Variants in TUBG1 observed in about 807,000 individuals in gnomAD.
TUBG1 encodes tubulin gamma-1 chain.
TUBG1 carries 22 observed loss-of-function variants against 53.3 expected under a neutral mutation model. The ratio of observed to expected loss-of-function variants is 0.41; its 90% CI spans 0.29 to 0.59. The LOEUF is 0.59. Ranked by LOEUF, TUBG1 falls within the 20% of genes least tolerant of loss-of-function variation. TUBG1 has a pLI of 0.26. For synonymous variants in TUBG1, 198 were observed against 236.7 expected (o/e 0.84, Z 1.50); for missense variants, 217 against 598.9 (o/e 0.36, Z 6.66).
chr17:42,610,057 C>T, intron 1 of TUBG1, 51 bp from the exon 2 acceptor site: 2 of 1,605,536 alleles, frequency 1.2e-6, no homozygotes, highest in Non-Finnish European at 1.7e-6. Context: ...TGATTGGAAC[C>T]TGCCCGGACC....
At position 42,613,886 on chromosome 17, in the gene TUBG1, G is replaced by A. The variant is rs777881464; in HGVS notation, c.731G>A (p.Arg244His). ...ATGTCAGCCAGCACCACCACCCTGCGCTACCCTGGCTACATGAACAATGAC... is the reference window on the plus strand; with the variant it reads ...ATGTCAGCCAGCACCACCACCCTGCACTACCCTGGCTACATGAACAATGAC... Reference protein sequence around the residue: ...TIMSASTTTLRYPGYMNNDLI... With the variant: ...TIMSASTTTLHYPGYMNNDLI... The change falls in exon 8 of 11, where the codon CGC (arginine) becomes CAC (histidine). Residue 244 changes from arginine to histidine, a missense_variant. Physicochemically the swap from Arg to His is conservative, Grantham distance 29. This residue lies in a region of TUBG1 where 135 missense variants were observed against 371.2 expected (regional missense o/e 0.36). Coordinates refer to ENST00000251413, the MANE Select transcript of TUBG1 (RefSeq NM_001070.5). The A allele has an allele frequency of 6.2e-7, 1 of 1,614,144 alleles. No individual in the cohort carries two copies. The highest frequency in any genetic ancestry group is 1.1e-5 in the South Asian group (1 of 91,082).
chr17:42,613,418 G>A (rs2052051333), intron 6 of TUBG1, among the ~76,000 whole-genome samples: 1 of 151,546 alleles, frequency 6.6e-6, no homozygotes, highest in Non-Finnish European at 1.5e-5. Context: ...GTGAAACCCT[G>A]TCTCAAAAAA....
In TUBG1 at chr17:42,614,940, G is replaced by C; in HGVS notation, c.1255G>C (p.Asp419His). The change falls in exon 11 of 11, where the codon GAT becomes CAT. Residue 419 changes from aspartate (D) to histidine (H), a missense_variant. Around this residue, in one of 4 missense-constraint regions of TUBG1, gnomAD observed 135 missense variants for 371.2 expected, o/e 0.36. Coordinates refer to ENST00000251413, the MANE Select transcript of TUBG1 (RefSeq NM_001070.5). This position sits in a 1 kb window ranked among gnomAD's most constrained non-coding sequence, Gnocchi z 5.1. The stretch of plus-strand genomic sequence containing the variant: ...GGAGGACATGTTCAAGGACAACTTT[G>C]ATGAGATGGACACATCCAGGGAGAT... ...RKEDMFKDNF[D>H]EMDTSREIVQ... 1 of 1,614,232 alleles carries C rather than the reference G, an allele frequency of 6.2e-7. No homozygotes were observed. The highest frequency in any genetic ancestry group is 8.5e-7 in the Non-Finnish European group (1 of 1,180,042).
chr17:42,612,878 T>C (rs1475830093), intron 5 of TUBG1, 69 bp from the exon 6 acceptor site: 7 of 1,597,190 alleles, frequency 4.4e-6, no homozygotes, highest in Non-Finnish European at 6.0e-6. Context: ...TTCTGGACAG[T>C]TGTTAGGGAG....
Position 42,615,146 on chromosome 17 carries a change from T to C in TUBG1, c.*105T>C, listed in dbSNP as rs2052066774. Reference sequence around the variant, plus strand: ...ATCAGGGACCTCACGCATCTCTTTCTCATATACATGGACTCTCTGTTGGCC... The same window carrying C: ...ATCAGGGACCTCACGCATCTCTTTCCCATATACATGGACTCTCTGTTGGCC... On this transcript the variant is annotated 3_prime_UTR_variant, in exon 11 of 11. Coordinates refer to ENST00000251413, the MANE Select transcript of TUBG1 (RefSeq NM_001070.5). The C allele has an allele frequency of 9.3e-7, 1 of 1,075,092 alleles. No homozygotes were observed. The highest frequency in any genetic ancestry group is 1.4e-6 in the Non-Finnish European group (1 of 729,908). 66.6% of individuals were successfully genotyped at this position (1,075,092 alleles called of 1,614,324 possible).
intron 3 of TUBG1, 73 bp downstream of exon 3, chr17:42,610,663 G>A (rs2052024754): frequency 1.2e-6 from 2 of 1,600,862 alleles, no homozygotes; most frequent in Non-Finnish European, 1.7e-6. Context: ...CCGAAGAGAG[G>A]GAAAACCGGA....
chr17:42,614,724 T>C lies in TUBG1; in HGVS notation c.1158+67T>C. The C allele has an allele frequency of 1.2e-6, 2 of 1,606,490 alleles. No homozygotes were observed. The highest frequency in any genetic ancestry group is 2.2e-5 in the East Asian group (1 of 44,784). Reference sequence around the variant, plus strand: ...CCTGACTATACCTCACCTCTCTGCATCTGCTGGCCCTGCTTCTAGCTTTTT... The same window carrying C: ...CCTGACTATACCTCACCTCTCTGCACCTGCTGGCCCTGCTTCTAGCTTTTT... On this transcript the variant is annotated intron_variant, in intron 10 of 10. Coordinates refer to ENST00000251413, the MANE Select transcript of TUBG1 (RefSeq NM_001070.5). This position sits in a 1 kb window ranked among gnomAD's most constrained non-coding sequence, Gnocchi z 5.1.
Position 42,612,938 on chromosome 17 carries a change from C to A in TUBG1, c.480-9C>A, listed in dbSNP as rs754672825. On this transcript the variant is annotated splice_polypyrimidine_tract_variant and intron_variant, in intron 5 of 10. Transcript: ENST00000251413. ...CTGTTGCCCTGATCCTTTCCCCAAC[C>A]CCCACCAGGTATCCTAAGAAGCTGG... 1.2e-6 allele frequency: 2 copies of A among 1,613,856 alleles called. No homozygotes were observed. Among genetic ancestry groups the A allele is most frequent in the South Asian group, 1.1e-5 (1 of 91,062 alleles).
At position 42,614,361 on chromosome 17, in the gene TUBG1, C is replaced by T. The variant is rs1240838443; in HGVS notation, c.945C>T (p.His315=). The change falls in exon 9 of 11, where the codon CAC becomes CAT. Residue 315 remains histidine (H), a synonymous_variant. Coordinates refer to ENST00000251413, the MANE Select transcript of TUBG1 (RefSeq NM_001070.5). The surrounding 1 kb of genome is among the most constrained non-coding windows in gnomAD (Gnocchi z 5.1). ...VSTGRDRQTN[H]CYIAILNIIQ... The stretch of plus-strand genomic sequence containing the variant: ...CAGGCCGAGACCGCCAGACCAACCA[C>T]TGCTACATCGCCATCCTCAACATCA... The T allele has an allele frequency of 6.2e-7, 1 of 1,613,886 alleles. No individual in the cohort carries two copies. Among genetic ancestry groups the T allele is most frequent in the African/African-American group, 1.3e-5 (1 of 74,928 alleles).
At chr17:42,612,034 A>G in intron 3 of TUBG1, 41 bp from the exon 4 acceptor site, 1 of 1,606,546 alleles carries the variant, frequency 6.2e-7, no homozygotes, top group Non-Finnish European at 8.5e-7. Context: ...GAGACCTCCC[A>G]TGGTTCTGTC....
intron 3 of TUBG1, chr17:42,610,861 T>C: frequency 2.5e-6 from 1 of 392,894 alleles, no homozygotes; most frequent in Non-Finnish European, 4.5e-6. Flanking sequence ...CTTATCTGCC[T>C]TTCCAGGATC....
chr17:42,614,758 G>T lies in TUBG1; in HGVS notation c.1159-86G>T. On this transcript the variant is annotated intron_variant, in intron 10 of 10. Coordinates refer to ENST00000251413, the MANE Select transcript of TUBG1 (RefSeq NM_001070.5). This position sits in a 1 kb window ranked among gnomAD's most constrained non-coding sequence, Gnocchi z 5.1. Reference sequence around the variant, plus strand: ...CCTGCTTCTAGCTTTTTTGCTGTGGGCATAGCCCAGCCTTGGTTCCCCAGC... The same window carrying T: ...CCTGCTTCTAGCTTTTTTGCTGTGGTCATAGCCCAGCCTTGGTTCCCCAGC... 6.2e-7 allele frequency: 1 copy of T among 1,606,894 alleles called. No individual in the cohort carries two copies. The highest frequency in any genetic ancestry group is 8.5e-7 in the Non-Finnish European group (1 of 1,175,952).
chr17:42,613,804 G>A, intron 7 of TUBG1, 45 bp from the exon 8 acceptor site: 1 of 1,614,048 alleles, frequency 6.2e-7, no homozygotes, highest in Non-Finnish European at 8.5e-7. Context: ...GGGAAGGGAG[G>A]TCCCACCCAG....
chr17:42,613,204 CTT>C, intron 6 of TUBG1, 131 bp downstream of exon 6: 1 of 1,384,806 alleles, frequency 7.2e-7, no homozygotes, highest in Non-Finnish European at 9.7e-7. Flanking sequence ...AATCCCATCA[CTT>C]TGGGAGGCCA....
chr17:42,613,778 G>A lies in TUBG1; in HGVS notation c.693+45G>A, dbSNP rs181746583. On this transcript the variant is annotated intron_variant, in intron 7 of 10. Transcript: ENST00000251413. ...CTCCTTTGGACTTGAAGCCCTCCTT[G>A]TTGGAGGGTCATTTGGGGAAGGGAG... is the stretch of plus-strand genomic sequence containing the variant. The A allele has an allele frequency of 6.7e-4, 1,087 of 1,614,124 alleles. 6 individuals are homozygous for A. In the African/African-American group the frequency reaches 0.013, roughly 19 times the overall value.
Position 42,613,722 on chromosome 17 carries a change from A to C in TUBG1, c.682A>C (p.Ile228Leu). Residue 228 changes from isoleucine (I) to leucine (L), a missense_variant, in exon 7 of 11, where the codon ATC becomes CTC. Transcript: ENST00000251413. ...LHIQNPSFSQ[I>L]NQLVSTIMSA... is the part of the protein sequence containing the mutation. ...CATCCAGAACCCATCCTTCTCCCAG[A>C]TCAACCAGCTGGTGGGCCCCCACTC... The C allele has an allele frequency of 6.2e-7, 1 of 1,614,000 alleles. No individual in the cohort carries two copies. The highest frequency in any genetic ancestry group is 8.5e-7 in the Non-Finnish European group (1 of 1,179,990).
At chr17:42,609,899 G>T in intron 1 of TUBG1, 113 bp downstream of exon 1, 2 of 1,435,520 alleles carry the variant, frequency 1.4e-6, no homozygotes, top group Non-Finnish European at 1.9e-6. Context: ...TCTGAAAGGC[G>T]AGACATCCCT....
At position 42,615,221 on chromosome 17, in the gene TUBG1, G is replaced by C. The variant is rs1175755720; in HGVS notation, c.*180G>C. 1.6e-6 allele frequency: 1 copy of C among 608,048 alleles called. No individual in the cohort carries two copies. Among genetic ancestry groups the C allele is most frequent in the Non-Finnish European group, 2.9e-6 (1 of 350,404 alleles). The allele number at this position is 608,048 out of a possible 1,614,324, so 37.7% of individuals were successfully genotyped here. On this transcript the variant is annotated 3_prime_UTR_variant, in exon 11 of 11. Transcript: ENST00000251413. The stretch of plus-strand genomic sequence containing the variant: ...TATGAGACTATTTATCTTTAATAAA[G>C]CACTGGATATAAATCAAGTCACTGC...
rs368317471 is a variant in TUBG1 at position 42,614,432 on chromosome 17, C to A, written c.996+20C>A. ...ACCCAGGTAGGGGAGGCCCCTTCAT[C>A]CCACACCCTGGACCTGCAGGGGTAG... On this transcript the variant is annotated intron_variant, in intron 9 of 10. Transcript: ENST00000251413. This position sits in a 1 kb window ranked among gnomAD's most constrained non-coding sequence, Gnocchi z 5.1. 7.4e-6 allele frequency: 12 copies of A among 1,614,046 alleles called. No homozygotes were observed. In the African/African-American group the frequency reaches 1.6e-4, roughly 22 times the overall value.
Sources: gnomAD v4.1 joint callset for allele counts (sites outside exome capture counted in the v4.1 genomes callset) on GRCh38, gnomAD v4.1.1 for gene constraint, gnomAD v4.1.1 regional missense constraint, Gnocchi (gnomAD v3.1) non-coding constraint, MANE v1.5 for transcripts, NCBI Gene and HGNC (gene_info 2026-07-23, HGNC 2026-07-21) for gene names.